LNX2: variants seen among roughly 807,000 people sequenced by gnomAD.
LNX2 encodes ligand of numb-protein X 2, also known as ligand of Numb protein X 2.
LNX2 carries 35 observed loss-of-function variants against 66.2 expected under a neutral mutation model. The observed-to-expected ratio is 0.53, with a 90% CI of 0.40 to 0.70. LNX2 has a LOEUF of 0.70. LNX2 is among the 30% of genes least tolerant of loss of function. The pLI is 0.00. For missense variants in LNX2, 791 were observed against 850.8 expected (o/e 0.93, Z 0.87); for synonymous variants, 337 against 315.6 (o/e 1.07, Z -0.72).
chr13:27,573,098 C>T (rs1955302159), intron 2 of LNX2, among the ~76,000 whole-genome samples: 1 of 152,120 alleles, frequency 6.6e-6, no homozygotes, highest in African/African-American at 2.4e-5. Flanking sequence ...AGAAAAATGG[C>T]TGACTCTCAG....
chr13:27,580,958 AT>A (rs1408715045), intron 2 of LNX2, among the ~76,000 whole-genome samples: 1 of 152,202 alleles, frequency 6.6e-6, no homozygotes, highest in African/African-American at 2.4e-5. Flanking sequence ...GGAGATTTAC[AT>A]TCATATAGTT....
chr13:27,616,553 A>C (rs1955829235), intron 1 of LNX2, among the ~76,000 whole-genome samples: 1 of 152,114 alleles, frequency 6.6e-6, no homozygotes, highest in African/African-American at 2.4e-5. Flanking sequence ...GAGAGGGGGA[A>C]GCTTAGAATT....
intron 8 of LNX2, among the ~76,000 whole-genome samples, chr13:27,551,935 T>A (rs1287969265): frequency 6.6e-6 from 1 of 152,178 alleles, no homozygotes; most frequent in South Asian, 2.1e-4. Flanking sequence ...GAAACCTGCA[T>A]ATAGGGGCCA....
At chr13:27,603,854 A>C (rs1235591290) in intron 1 of LNX2, among the ~76,000 whole-genome samples, 1 of 152,098 alleles carries the variant, frequency 6.6e-6, no homozygotes, top group Non-Finnish European at 1.5e-5. Flanking sequence ...TCCACCAAAA[A>C]GGAGATGTCC....
At chr13:27,618,576 T>C (rs781627070) in intron 1 of LNX2, among the ~76,000 whole-genome samples, 4 of 152,334 alleles carry the variant, frequency 2.6e-5, no homozygotes, top group Non-Finnish European at 5.9e-5. Flanking sequence ...AGCAGCTCAG[T>C]ATCACTGACT....
intron 1 of LNX2, among the ~76,000 whole-genome samples, chr13:27,590,063 C>T (rs1317441985): frequency 6.6e-6 from 1 of 152,010 alleles, no homozygotes; most frequent in Non-Finnish European, 1.5e-5. Flanking sequence ...CATTCTCCTG[C>T]CTCGGCCTCC....
chr13:27,576,532 T>C (rs1036310610), intron 2 of LNX2, among the ~76,000 whole-genome samples: 6 of 148,400 alleles, frequency 4.0e-5, no homozygotes, highest in Non-Finnish European at 7.4e-5. Flanking sequence ...CCTGGTGCAA[T>C]ATGGCAAGAC....
chr13:27,602,953 T>C (rs1246354079), intron 1 of LNX2, among the ~76,000 whole-genome samples: 2 of 152,188 alleles, frequency 1.3e-5, no homozygotes, highest in Admixed American at 6.5e-5. Context: ...ACATAAGATA[T>C]AGTGCAACAT....
Position 27,557,617 on chromosome 13 carries a change from A to C in LNX2, c.1369-1204T>G, listed in dbSNP as rs191253820. On this transcript the variant is annotated intron_variant, in intron 6 of 9. Coordinates refer to ENST00000316334, the MANE Select transcript of LNX2 (RefSeq NM_153371.4). Reference sequence around the variant, plus strand: ...TTCACAGAATTATAACATTTCCTTAAATCACATTAGAGAATTGACATGTAT... The same window carrying C: ...TTCACAGAATTATAACATTTCCTTACATCACATTAGAGAATTGACATGTAT... 3.4e-4 allele frequency among the ~76,000 whole-genome samples: 51 copies of C among 151,856 alleles called. 2 individuals are homozygous for C. The East Asian group carries it at 6.6e-3, about 20-fold the overall frequency.
chr13:27,603,956 T>TA (rs35389487), intron 1 of LNX2, among the ~76,000 whole-genome samples: 6,762 of 133,456 alleles, frequency 0.051, 175 homozygotes, highest in East Asian at 0.1. Flanking sequence ...TTCCTTCCCT[T>TA]AAAAAAAAAA....
At chr13:27,570,345 A>C (rs968546916) in intron 2 of LNX2, among the ~76,000 whole-genome samples, 8 of 152,238 alleles carry the variant, frequency 5.3e-5, no homozygotes, top group Non-Finnish European at 8.8e-5. Flanking sequence ...AAAATTTCTA[A>C]CACAACACAG....
intron 1 of LNX2, among the ~76,000 whole-genome samples, chr13:27,589,691 G>A (rs188447235): frequency 6.6e-6 from 1 of 152,248 alleles, no homozygotes; most frequent in East Asian, 1.9e-4. Flanking sequence ...CTACACTGAA[G>A]ACAGTTATAC....
chr13:27,560,499 G>A (rs987777314), intron 5 of LNX2, among the ~76,000 whole-genome samples: 46 of 148,270 alleles, frequency 3.1e-4, no homozygotes, highest in African/African-American at 1.2e-3. Flanking sequence ...GTAGGATATC[G>A]GCTTCAACAT....
intron 6 of LNX2, among the ~76,000 whole-genome samples, chr13:27,558,424 G>A (rs1955089536): frequency 6.6e-6 from 1 of 151,986 alleles, no homozygotes. Flanking sequence ...AAAAATACAT[G>A]TGCCCACAAC....
chr13:27,616,940 AG>A (rs1955834468), intron 1 of LNX2, among the ~76,000 whole-genome samples: 1 of 152,242 alleles, frequency 6.6e-6, no homozygotes, highest in Admixed American at 6.5e-5. Flanking sequence ...TAGTAGAGAC[AG>A]GGTTTCACTG....
rs1415107261 is a variant in LNX2, at chr13:27,583,218, G to GCCCTCTCCAATATAACTT, written c.-100-1416_-100-1415insAAGTTATATTGGAGAGGG. Among the ~76,000 whole-genome samples, 142 of 18,376 alleles carry GCCCTCTCCAATATAACTT rather than the reference G, an allele frequency of 7.7e-3. 1 individual carries two copies. Among genetic ancestry groups the GCCCTCTCCAATATAACTT allele is most frequent in the Non-Finnish European group, 9.6e-3 (108 of 11,220 alleles). The allele number at this position is 18,376 out of a possible 152,430, so 12.1% of individuals were successfully genotyped here. On this transcript the variant is annotated intron_variant, in intron 1 of 9. Coordinates refer to ENST00000316334, the MANE Select transcript of LNX2 (RefSeq NM_153371.4). ...TGTGTGTGTGTGTGTGTGTGTGTGT[G>GCCCTCTCCAATATAACTT]TGTGTGTGTGTGTGTGTGTGTGTGT...
chr13:27,575,542 T>C (rs903397956), intron 2 of LNX2, among the ~76,000 whole-genome samples: 7 of 152,152 alleles, frequency 4.6e-5, no homozygotes, highest in Admixed American at 1.3e-4. Context: ...CCTTACTGCT[T>C]GAGTTGTGAC....
At chr13:27,568,330 T>C (rs990388686) in intron 3 of LNX2, among the ~76,000 whole-genome samples, 1 of 152,118 alleles carries the variant, frequency 6.6e-6, no homozygotes, top group African/African-American at 2.4e-5. Context: ...TTCAAATTTG[T>C]AGTAGAGCTT....
chr13:27,552,714 A>G (rs1251603122), intron 8 of LNX2, among the ~76,000 whole-genome samples: 1 of 152,258 alleles, frequency 6.6e-6, no homozygotes, highest in Non-Finnish European at 1.5e-5. Flanking sequence ...AAAGTGAAGC[A>G]GCCATTCTTG....
Sources: allele counts gnomAD v4.1 joint callset (sites outside exome capture counted in the v4.1 genomes callset), GRCh38; gene constraint gnomAD v4.1.1; transcripts MANE v1.5; gene names NCBI Gene and HGNC (gene_info 2026-07-23, HGNC 2026-07-21).